The following SCP2 variants were observed in gnomAD, a reference collection of about 807,000 sequenced individuals.
The protein encoded by SCP2 is sterol carrier protein 2.
SCP2 carries 48 observed loss-of-function variants against 71.4 expected under a neutral mutation model. That is an observed-to-expected ratio of 0.67 (90% CI 0.53 to 0.86). SCP2 has a LOEUF of 0.86. SCP2 is among the 40% of genes least tolerant of loss of function. The pLI, the probability that SCP2 is intolerant of heterozygous loss-of-function variation, is 0.00. For synonymous variants in SCP2, 220 were observed against 218.1 expected (o/e 1.01, Z -0.08); for missense variants, 560 against 655.6 (o/e 0.85, Z 1.59).
At chr1:53,038,772 T>C (rs1663202124) in intron 13 of SCP2, 145 bp from the exon 14 acceptor site, 2 of 984,988 alleles carry the variant, frequency 2.0e-6, no homozygotes, top group Admixed American at 4.2e-5. Context: ...TTTCAGACTT[T>C]TCTGGGTAAA....
chr1:52,985,025 T>C (rs551975056), intron 10 of SCP2, among the ~76,000 whole-genome samples: 1 of 151,404 alleles, frequency 6.6e-6, no homozygotes, highest in East Asian at 1.9e-4. Flanking sequence ...TATTTTTTAG[T>C]AGAGACGGGA....
intron 2 of SCP2, among the ~76,000 whole-genome samples, chr1:52,944,110 G>A (rs1185220288): frequency 2.6e-5 from 4 of 152,154 alleles, no homozygotes; most frequent in Non-Finnish European, 4.4e-5. Context: ...AATACCTGCT[G>A]TCAACACCTG....
At chr1:52,968,728 A>G (rs1310871810) in intron 6 of SCP2, among the ~76,000 whole-genome samples, 1 of 152,100 alleles carries the variant, frequency 6.6e-6, no homozygotes, top group Non-Finnish European at 1.5e-5. Flanking sequence ...CATTTTATAT[A>G]AATGTACAGT....
intron 5 of SCP2, among the ~76,000 whole-genome samples, chr1:52,958,304 C>T (rs1394871156): frequency 2.0e-5 from 3 of 150,802 alleles, no homozygotes; most frequent in Non-Finnish European, 4.4e-5. Flanking sequence ...AATCTTGGCT[C>T]ACTGCAACCT....
chr1:53,029,894 TG>T (rs1317919939), intron 13 of SCP2, among the ~76,000 whole-genome samples: 16 of 129,586 alleles, frequency 1.2e-4, no homozygotes, highest in Admixed American at 3.4e-4. Flanking sequence ...CTTTACCCCC[TG>T]TTTTTTTTTT....
intron 2 of SCP2, among the ~76,000 whole-genome samples, chr1:52,945,817 G>A (rs564352999): frequency 6.6e-6 from 1 of 151,578 alleles, no homozygotes; most frequent in Non-Finnish European, 1.5e-5. Context: ...TAGAAAAATT[G>A]TAATGAACAT....
chr1:52,995,868 C>T, intron 11 of SCP2: 1 of 1,374,954 alleles, frequency 7.3e-7, no homozygotes, highest in Non-Finnish European at 1.0e-6. Flanking sequence ...CCCTGGAAGG[C>T]CTTCCTCCAC....
chr1:52,962,435 T>C (rs943827806), intron 6 of SCP2, among the ~76,000 whole-genome samples: 1 of 152,110 alleles, frequency 6.6e-6, no homozygotes, highest in East Asian at 1.9e-4. Flanking sequence ...AATTCTCTAC[T>C]TTATAGCCAG....
chr1:52,972,812 C>A (rs920090087), intron 6 of SCP2, among the ~76,000 whole-genome samples: 1 of 152,214 alleles, frequency 6.6e-6, no homozygotes, highest in African/African-American at 2.4e-5. Flanking sequence ...TAACTACTCT[C>A]ATTAGACTTG....
At chr1:53,047,497 GCAT>G (rs1340187965) in intron 14 of SCP2, among the ~76,000 whole-genome samples, 5 of 152,094 alleles carry the variant, frequency 3.3e-5, no homozygotes, top group Non-Finnish European at 5.9e-5. Flanking sequence ...AGCAAAAATG[GCAT>G]CATACAGTTT....
chr1:52,987,230 T>G (rs1362231587), intron 10 of SCP2, among the ~76,000 whole-genome samples: 2 of 151,908 alleles, frequency 1.3e-5, no homozygotes, highest in Admixed American at 1.3e-4. Context: ...TATTTTTGAT[T>G]TGTGGATGGT....
chr1:53,042,266 C>T (rs76030395), intron 14 of SCP2, among the ~76,000 whole-genome samples: 8 of 130,392 alleles, frequency 6.1e-5, no homozygotes, highest in Non-Finnish European at 8.6e-5. Context: ...TAGTAGTGAT[C>T]TTTTTTTTTT....
intron 6 of SCP2, among the ~76,000 whole-genome samples, chr1:52,967,349 A>G (rs1657062308): frequency 1.3e-5 from 2 of 151,876 alleles, no homozygotes; most frequent in Admixed American, 1.3e-4. Flanking sequence ...TAATGTTTAA[A>G]CATTCTATAT....
intron 13 of SCP2, among the ~76,000 whole-genome samples, chr1:53,038,417 T>C (rs1663179040): frequency 6.6e-6 from 1 of 151,978 alleles, no homozygotes; most frequent in African/African-American, 2.4e-5. Context: ...CTTTTTGTTC[T>C]TTTTTGAGAC....
intron 6 of SCP2, among the ~76,000 whole-genome samples, chr1:52,968,674 GC>G (rs1238284862): frequency 1.3e-5 from 2 of 152,070 alleles, no homozygotes; most frequent in African/African-American, 4.8e-5. Context: ...GTTCCTGGCA[GC>G]CACTCATCTA....
chr1:52,964,214 C>CTTT (rs200065864), intron 6 of SCP2, among the ~76,000 whole-genome samples: 1 of 134,684 alleles, frequency 7.4e-6, no homozygotes, highest in Non-Finnish European at 1.6e-5. Context: ...TCTTTTCTCT[C>CTTT]TTTTTTTTTT....
At chr1:53,000,252 C>CAAA (rs34392119) in intron 11 of SCP2, among the ~76,000 whole-genome samples, 3 of 92,116 alleles carry the variant, frequency 3.3e-5, no homozygotes, top group African/African-American at 6.6e-5. Flanking sequence ...TAGTTTCTAC[C>CAAA]AAAAAAAAAA....
In SCP2 at chr1:53,038,927, A is replaced by G. The variant is rs982766270; in HGVS notation, c.1349A>G (p.Gln450Arg). The part of the protein sequence containing the change: ...IEKKLEEEGE[Q>R]FVKKIGGIFA... ...TATTTTTCTTTCCAGGAAGGGGAAC[A>G]GTTTGTGAAGAAAATCGGTGGTATT... is the stretch of plus-strand genomic sequence containing the variant. The change falls in exon 14 of 16, where the codon CAG (glutamine) becomes CGG (arginine). Residue 450 changes from glutamine to arginine, a missense_variant. Transcript: ENST00000371514. The G allele has an allele frequency of 1.2e-6, 2 of 1,614,082 alleles. No individual in the cohort carries two copies. The highest frequency in any genetic ancestry group is 1.7e-6 in the Non-Finnish European group (2 of 1,180,008).
chr1:52,970,877 C>T, intron 6 of SCP2, among the ~76,000 whole-genome samples: 1 of 139,362 alleles, frequency 7.2e-6, no homozygotes, highest in South Asian at 2.3e-4. Context: ...TTGGCATTTT[C>T]TATTTTCTAG....
Sources: allele counts gnomAD v4.1 joint callset (sites outside exome capture counted in the v4.1 genomes callset), GRCh38; gene constraint gnomAD v4.1.1; transcripts MANE v1.5; gene names NCBI Gene and HGNC (gene_info 2026-07-23, HGNC 2026-07-21).